The following ITPK1 variants were observed in gnomAD, a reference collection of about 807,000 sequenced individuals.
The protein encoded by ITPK1 is inositol-tetrakisphosphate 1-kinase.
A neutral mutation model predicts 45.3 loss-of-function variants in ITPK1; 21 were observed. That is an observed-to-expected ratio of 0.46 (90% CI 0.33 to 0.67). The LOEUF (loss-of-function observed/expected upper bound fraction) is 0.67. ITPK1 is among the 30% of genes least tolerant of loss of function. The pLI is 0.02. For synonymous variants in ITPK1, 258 were observed against 253.6 expected, an observed-to-expected ratio of 1.02 and a Z score of -0.16; for missense variants, 474 against 573.5, an observed-to-expected ratio of 0.83 and a Z score of 1.77.
chr14:92,941,749 GC>G lies in ITPK1; in HGVS notation c.1056del (p.Glu352AspfsTer14), dbSNP rs1566682916. 1 of 1,599,500 alleles carries G rather than the reference GC, an allele frequency of 6.3e-7. No individual in the cohort carries two copies. Among genetic ancestry groups the G allele is most frequent in the Non-Finnish European group, 8.5e-7 (1 of 1,174,894 alleles). ...LAEPAGGLVG[E>X]RTCSASPGCC... ...CAGCCGGGGCTGGCGCTGCATGTCC[GC>G]TCGCCCACCAGGCCGCCCGCCGGCT... On this transcript the variant is annotated frameshift_variant, in exon 11 of 11. Coordinates refer to ENST00000267615, the MANE Select transcript of ITPK1 (RefSeq NM_014216.6). LOFTEE classifies it high-confidence loss of function.
intron 4 of ITPK1, among the ~76,000 whole-genome samples, chr14:93,007,747 CAT>C (rs1484440799): frequency 6.6e-6 from 1 of 152,248 alleles, no homozygotes; most frequent in Non-Finnish European, 1.5e-5. Flanking sequence ...CTCTGTTCCA[CAT>C]GTCAGCCATC....
intron 9 of ITPK1, among the ~76,000 whole-genome samples, chr14:92,949,724 C>T (rs796734191): frequency 2.0e-5 from 3 of 152,266 alleles, no homozygotes; most frequent in Non-Finnish European, 2.9e-5. Context: ...CACTGCCACA[C>T]GCCCCATGGC....
At chr14:92,982,667 T>C (rs1458661442) in intron 5 of ITPK1, among the ~76,000 whole-genome samples, 1 of 152,130 alleles carries the variant, frequency 6.6e-6, no homozygotes, top group Non-Finnish European at 1.5e-5. Flanking sequence ...ACCCATGAGA[T>C]AATAAATGGG....
At chr14:92,988,668 G>T (rs1263478583) in intron 5 of ITPK1, among the ~76,000 whole-genome samples, 1 of 152,134 alleles carries the variant, frequency 6.6e-6, no homozygotes, top group Non-Finnish European at 1.5e-5. Flanking sequence ...CAGGGGTGAG[G>T]GACAGGGCTT....
At position 93,016,694 on chromosome 14, in the gene ITPK1, C is replaced by T. The variant is rs1431928993; in HGVS notation, c.228G>A (p.Glu76=). 2 of 1,614,140 alleles carry T rather than the reference C, an allele frequency of 1.2e-6. No homozygotes were observed. Among genetic ancestry groups the T allele is most frequent in the Non-Finnish European group, 1.7e-6 (2 of 1,180,000 alleles). ...CACTCACCTGGAACCTGTGCACCAG[C>T]TCCAGGGACTGGCTATCATTCTGGT... ...EADQNDSQSL[E]LVHRFQEYID... The change falls in exon 4 of 11, where the codon GAG becomes GAA. Residue 76 remains glutamate, a synonymous_variant. Coordinates refer to ENST00000267615, the MANE Select transcript of ITPK1 (RefSeq NM_014216.6). The surrounding 1 kb of genome is among the most constrained non-coding windows in gnomAD (Gnocchi z 5.0).
At chr14:93,114,228 G>A (rs557046547) in intron 2 of ITPK1, among the ~76,000 whole-genome samples, 4 of 152,366 alleles carry the variant, frequency 2.6e-5, no homozygotes, top group African/African-American at 9.6e-5. Flanking sequence ...AGCAAGGGAA[G>A]GCCTACCTGA....
Position 92,940,435 on chromosome 14 carries a change from T to G in ITPK1, c.*1126A>C, listed in dbSNP as rs1595067359. ...AAGGTGATGGGGTGAGTCTGAGGTGTGCAGAAGCGATGGGGGGCGGGTGGC... is the reference window on the plus strand; with the variant it reads ...AAGGTGATGGGGTGAGTCTGAGGTGGGCAGAAGCGATGGGGGGCGGGTGGC... On this transcript the variant is annotated 3_prime_UTR_variant, in exon 11 of 11. Transcript: ENST00000267615. 5 of 1,119,748 alleles carry G rather than the reference T, an allele frequency of 4.5e-6. No individual in the cohort carries two copies. The African/African-American group carries it at 5.0e-5, about 11-fold the overall frequency. The allele number at this position is 1,119,748 out of a possible 1,614,324, so 69.4% of individuals were successfully genotyped here. A position where few individuals can be genotyped will look rare whatever the true frequency, so the allele number is the denominator to read the frequency against.
At chr14:93,066,149 T>C (rs1309967666) in intron 3 of ITPK1, 6 of 401,058 alleles carry the variant, frequency 1.5e-5, no homozygotes, top group Non-Finnish European at 2.0e-5. Flanking sequence ...GGCCACATCC[T>C]GTGTAGCACA....
intron 3 of ITPK1, among the ~76,000 whole-genome samples, chr14:93,075,496 G>A (rs1353891416): frequency 6.6e-6 from 1 of 152,094 alleles, no homozygotes; most frequent in African/African-American, 2.4e-5. Flanking sequence ...CAGTCTTCCA[G>A]TGACAAGTTC....
At chr14:92,981,395 C>T (rs774272978) in intron 5 of ITPK1, among the ~76,000 whole-genome samples, 122 of 152,316 alleles carry the variant, frequency 8.0e-4, no homozygotes, top group Middle Eastern at 3.4e-3. Context: ...CCTGAACATC[C>T]TGCTCCCTCT....
At chr14:92,970,225 G>A (rs771326918) in intron 5 of ITPK1, among the ~76,000 whole-genome samples, 8 of 152,218 alleles carry the variant, frequency 5.3e-5, no homozygotes, top group Admixed American at 1.3e-4. Context: ...CAGCCAGCCC[G>A]ACGCTGGACC....
rs1288592486 is a variant in ITPK1, at chr14:92,941,089, G to GCAGGT, written c.*467_*471dup. 1.9e-5 allele frequency: 23 copies of GCAGGT among 1,203,594 alleles called. No homozygotes were observed. In the African/African-American group the frequency reaches 3.6e-4, roughly 19 times the overall value. The allele number at this position is 1,203,594 out of a possible 1,614,324, so 74.6% of individuals were successfully genotyped here. Reference sequence around the variant, plus strand: ...CAGTAGGAGGAAAAACAAGGAAGGGGCAGGTCAGGGAGTGGGGAGTCAGGC... The same window carrying GCAGGT: ...CAGTAGGAGGAAAAACAAGGAAGGGGCAGGTCAGGTCAGGGAGTGGGGAGTCAGGC... On this transcript the variant is annotated 3_prime_UTR_variant, in exon 11 of 11. Transcript: ENST00000267615.
Position 92,939,787 on chromosome 14 carries a change from G to T in ITPK1, c.*1774C>A. On this transcript the variant is annotated 3_prime_UTR_variant, in exon 11 of 11. Transcript: ENST00000267615. ...AATTTTATTTTTAAAAGGTAAAGCT[G>T]TTTTATTAAACGTCTTTTAAGGACT... The T allele has an allele frequency of 2.0e-6, 2 of 985,698 alleles. No individual in the cohort carries two copies. Among genetic ancestry groups the T allele is most frequent in the Non-Finnish European group, 2.4e-6 (2 of 829,916 alleles). The allele number at this position is 985,698 out of a possible 1,614,324, so 61.1% of individuals were successfully genotyped here. A position where few individuals can be genotyped will look rare whatever the true frequency, so the allele number is the denominator to read the frequency against.
chr14:93,018,005 C>A (rs778276523), intron 3 of ITPK1, among the ~76,000 whole-genome samples: 4 of 152,178 alleles, frequency 2.6e-5, no homozygotes, highest in Admixed American at 6.5e-5. Context: ...TCTAAGGCTG[C>A]GCTTCTCACT....
intron 2 of ITPK1, among the ~76,000 whole-genome samples, chr14:93,111,184 C>G (rs943263532): frequency 6.6e-6 from 1 of 152,180 alleles, no homozygotes; most frequent in African/African-American, 2.4e-5. Flanking sequence ...TTCACCAAGT[C>G]ATGTGCCTCT....
chr14:93,069,021 G>A (rs1401390889), intron 3 of ITPK1: 2 of 152,374 alleles, frequency 1.3e-5, no homozygotes, highest in Non-Finnish European at 2.9e-5. Flanking sequence ...AACAAGGGAG[G>A]AGTCTGGGGA....
chr14:92,964,666 T>C (rs1433760725), intron 5 of ITPK1, among the ~76,000 whole-genome samples: 2 of 152,200 alleles, frequency 1.3e-5, no homozygotes, highest in Non-Finnish European at 2.9e-5. Context: ...GCTCCACCCT[T>C]GGCCCCTCCT....
chr14:92,980,308 G>A (rs1886159756), intron 5 of ITPK1, among the ~76,000 whole-genome samples: 1 of 152,210 alleles, frequency 6.6e-6, no homozygotes, highest in Non-Finnish European at 1.5e-5. Flanking sequence ...GAGCCCCTGA[G>A]GCAGCCGAGT....
Position 92,977,843 on chromosome 14 carries a change from G to A in ITPK1, c.365-14994C>T, listed in dbSNP as rs999155015. The stretch of plus-strand genomic sequence containing the variant: ...ACCCAGTCACAGGTAGTTCTTTATA[G>A]CAATGTTAAGAACAAACTAATACAG... On this transcript the variant is annotated intron_variant, in intron 5 of 10. Transcript: ENST00000267615. Among the ~76,000 whole-genome samples the A allele has an allele frequency of 7.9e-5, 12 of 151,996 alleles. No homozygotes were observed. In the East Asian group the frequency reaches 2.3e-3, roughly 29 times the overall value.
Sources: gnomAD v4.1 joint callset for allele counts (sites outside exome capture counted in the v4.1 genomes callset) on GRCh38, gnomAD v4.1.1 for gene constraint, Gnocchi (gnomAD v3.1) non-coding constraint, MANE v1.5 for transcripts, NCBI Gene and HGNC (gene_info 2026-07-23, HGNC 2026-07-21) for gene names.